PDGFC: variants seen among roughly 807,000 people sequenced by gnomAD.
PDGFC encodes the protein platelet-derived growth factor C.
A neutral mutation model predicts 35.5 loss-of-function variants in PDGFC; 12 were observed. The ratio of observed to expected loss-of-function variants is 0.34; its 90% confidence interval spans 0.22 to 0.55. PDGFC has a LOEUF of 0.55. Ranked by LOEUF, PDGFC falls within the 20% of genes least tolerant of loss-of-function variation. PDGFC has a pLI of 0.91. For missense variants in PDGFC, 322 were observed against 412.4 expected, an observed-to-expected ratio of 0.78 and a Z score of 1.90; for synonymous variants, 159 against 148.8, an observed-to-expected ratio of 1.07 and a Z score of -0.50.
chr4:156,926,049 CAAAAAAAA>C (rs397707839), intron 1 of PDGFC, among the ~76,000 whole-genome samples: 2 of 67,546 alleles, frequency 3.0e-5, no homozygotes, highest in Non-Finnish European at 5.0e-5. Context: ...AGATCTGTCT[CAAAAAAAA>C]AAAAAAAAAA....
intron 3 of PDGFC, among the ~76,000 whole-genome samples, chr4:156,776,027 GA>G (rs1348508314): frequency 2.0e-5 from 3 of 151,976 alleles, no homozygotes; most frequent in Non-Finnish European, 4.4e-5. Context: ...ACTGGTTCAA[GA>G]AAGAGCCGAG....
At chr4:156,808,614 G>A (rs1035922921) in intron 3 of PDGFC, among the ~76,000 whole-genome samples, 4 of 151,960 alleles carry the variant, frequency 2.6e-5, no homozygotes, top group Non-Finnish European at 5.9e-5. Context: ...ACACAGATAA[G>A]ATTGATGGAT....
At chr4:156,937,545 C>CAA (rs113776344) in intron 1 of PDGFC, among the ~76,000 whole-genome samples, 11,870 of 152,046 alleles carry the variant, frequency 0.078, 1,478 homozygotes, top group African/African-American at 0.26. Context: ...ACAAAGAATA[C>CAA]AAAAAATTCA....
chr4:156,865,955 TA>T (rs1392534299), intron 1 of PDGFC, among the ~76,000 whole-genome samples: 1 of 152,056 alleles, frequency 6.6e-6, no homozygotes, highest in Non-Finnish European at 1.5e-5. Context: ...TACTTTTTTT[TA>T]AATTTTATTA....
chr4:156,949,719 T>C (rs1268511500), intron 1 of PDGFC, among the ~76,000 whole-genome samples: 1 of 151,920 alleles, frequency 6.6e-6, no homozygotes, highest in Non-Finnish European at 1.5e-5. Flanking sequence ...GCACTTCACA[T>C]TTCCTAAGTG....
chr4:156,865,302 G>T (rs1729813457), intron 1 of PDGFC, among the ~76,000 whole-genome samples: 3 of 151,828 alleles, frequency 2.0e-5, no homozygotes, highest in Non-Finnish European at 4.4e-5. Flanking sequence ...AAAATTAGTT[G>T]ATATACTGTC....
At chr4:156,824,323 T>TATAC (rs1553967630) in intron 2 of PDGFC, among the ~76,000 whole-genome samples, 1 of 95,786 alleles carries the variant, frequency 1.0e-5, no homozygotes, top group Admixed American at 1.0e-4. Flanking sequence ...TATATATATA[T>TATAC]ATATACACAC....
chr4:156,937,520 T>C (rs568981182), intron 1 of PDGFC, among the ~76,000 whole-genome samples: 2 of 151,572 alleles, frequency 1.3e-5, no homozygotes, highest in Admixed American at 1.3e-4. Flanking sequence ...GGCAAAATAG[T>C]GAAACCCCAT....
intron 3 of PDGFC, among the ~76,000 whole-genome samples, chr4:156,809,135 T>G (rs1731854948): frequency 6.6e-6 from 1 of 151,974 alleles, no homozygotes; most frequent in Admixed American, 6.6e-5. Flanking sequence ...GTCAATGTAG[T>G]TGCCACACAA....
chr4:156,846,148 G>C (rs980193749), intron 2 of PDGFC, among the ~76,000 whole-genome samples: 1 of 151,694 alleles, frequency 6.6e-6, no homozygotes, highest in African/African-American at 2.4e-5. Flanking sequence ...AAAAAAATTG[G>C]GTGATAGACT....
intron 3 of PDGFC, among the ~76,000 whole-genome samples, 177 bp from the exon 4 acceptor site, chr4:156,773,070 T>C (rs1332180634): frequency 6.6e-6 from 1 of 152,206 alleles, no homozygotes; most frequent in Non-Finnish European, 1.5e-5. Flanking sequence ...TCTGATAGAT[T>C]TCCTGTAAAA....
chr4:156,942,472 T>C (rs2110911093), intron 1 of PDGFC, among the ~76,000 whole-genome samples: 1 of 152,108 alleles, frequency 6.6e-6, no homozygotes, highest in South Asian at 2.1e-4. Flanking sequence ...TAGATACTTT[T>C]TTCTAGTAAC....
At chr4:156,919,185 T>C (rs1579099193) in intron 1 of PDGFC, among the ~76,000 whole-genome samples, 2 of 152,356 alleles carry the variant, frequency 1.3e-5, no homozygotes, top group East Asian at 3.9e-4. Context: ...GCATTATCTT[T>C]AAAGTAGGCT....
At chr4:156,875,495 T>G (rs1339172038) in intron 1 of PDGFC, among the ~76,000 whole-genome samples, 1 of 152,098 alleles carries the variant, frequency 6.6e-6, no homozygotes, top group East Asian at 1.9e-4. Context: ...AAACCTAGTC[T>G]CACCAGATGT....
At chr4:156,823,569 A>T (rs1732330832) in intron 2 of PDGFC, among the ~76,000 whole-genome samples, 1 of 152,224 alleles carries the variant, frequency 6.6e-6, no homozygotes, top group African/African-American at 2.4e-5. Flanking sequence ...TAAAAAAAAT[A>T]ATTTTAATTG....
chr4:156,784,563 T>A (rs1319963615), intron 3 of PDGFC, among the ~76,000 whole-genome samples: 1 of 152,144 alleles, frequency 6.6e-6, no homozygotes, highest in Non-Finnish European at 1.5e-5. Flanking sequence ...AACTTTTTCA[T>A]TAAGTTTGGC....
intron 2 of PDGFC, among the ~76,000 whole-genome samples, chr4:156,828,129 C>T (rs866733988): frequency 1.3e-5 from 2 of 152,190 alleles, no homozygotes; most frequent in South Asian, 2.1e-4. Context: ...AAAGTGCTGA[C>T]GGGTGAGGGA....
At chr4:156,804,176 C>G (rs1299828814) in intron 3 of PDGFC, among the ~76,000 whole-genome samples, 1 of 151,512 alleles carries the variant, frequency 6.6e-6, no homozygotes, top group East Asian at 1.9e-4. Flanking sequence ...AAAAATTCAC[C>G]AAAATCTTGA....
At chr4:156,895,245 C>A (rs1730603646) in intron 1 of PDGFC, among the ~76,000 whole-genome samples, 1 of 152,038 alleles carries the variant, frequency 6.6e-6, no homozygotes. Flanking sequence ...TCTTCTATTT[C>A]TAAATAAAAT....
Sources: allele counts gnomAD v4.1 joint callset (sites outside exome capture counted in the v4.1 genomes callset), GRCh38; gene constraint gnomAD v4.1.1; transcripts MANE v1.5; gene names NCBI Gene and HGNC (gene_info 2026-07-23, HGNC 2026-07-21).